CIMAP2: variants seen among roughly 807,000 people sequenced by gnomAD.
The protein encoded by CIMAP2 is ciliary microtubule associated protein 2.
chr1:54,815,017 G>A, the CIMAP2 span: 8,358 of 1,614,138 alleles, frequency 5.2e-3, 270 homozygotes, highest in East Asian at 0.097. Context: ...GCAAAGGCCT[G>A]CCAGATGATT....
chr1:54,837,668 G>T, the CIMAP2 span, among the ~76,000 whole-genome samples: 15,558 of 152,114 alleles, frequency 0.1, 1,219 homozygotes, highest in African/African-American at 0.21. Context: ...TCTTTGGGAC[G>T]ACCCCAAAAC....
the CIMAP2 span, chr1:54,807,667 A>G: frequency 6.2e-7 from 1 of 1,602,282 alleles, no homozygotes; most frequent in Non-Finnish European, 8.5e-7. Context: ...GTACCAGGCC[A>G]TCATGAAAGA....
the CIMAP2 span, among the ~76,000 whole-genome samples, chr1:54,826,266 G>A: frequency 1.3e-5 from 2 of 152,264 alleles, no homozygotes; most frequent in East Asian, 1.9e-4. Context: ...CTCAGGCTCT[G>A]GGGAGCACAA....
At chr1:54,828,263 AT>A in the CIMAP2 span, among the ~76,000 whole-genome samples, 2 of 152,164 alleles carry the variant, frequency 1.3e-5, no homozygotes, top group African/African-American at 2.4e-5. Context: ...ATAAATGAAT[AT>A]TTTCGTCTTA....
the CIMAP2 span, among the ~76,000 whole-genome samples, chr1:54,818,086 A>G: frequency 1 from 152,350 of 152,368 alleles, 76,166 homozygotes; most frequent in Non-Finnish European, 1. Flanking sequence ...GAAGTCTTAT[A>G]CCTTTCTGGT....
the CIMAP2 span, among the ~76,000 whole-genome samples, chr1:54,822,243 C>T: frequency 6.6e-6 from 1 of 152,298 alleles, no homozygotes; most frequent in East Asian, 1.9e-4. Flanking sequence ...ACTTCCAGTA[C>T]TGTGTTAAAT....
the CIMAP2 span, chr1:54,813,829 G>T: frequency 1.9e-6 from 3 of 1,606,206 alleles, no homozygotes; most frequent in African/African-American, 1.3e-5. Context: ...AAAGCCCAGG[G>T]AACTGATGAA....
the CIMAP2 span, chr1:54,811,767 C>CGGGGGGGGGCG: frequency 5.5e-6 from 6 of 1,088,164 alleles, no homozygotes; most frequent in Non-Finnish European, 8.1e-6. Flanking sequence ...TTCTGACAGC[C>CGGGGGGGGGCG]TCCATGCCCC....
the CIMAP2 span, chr1:54,807,135 C>A: frequency 1.3e-6 from 2 of 1,528,350 alleles, no homozygotes; most frequent in Non-Finnish European, 1.8e-6. Context: ...GCCACTGCCC[C>A]TTCGAGCTGC....
the CIMAP2 span, among the ~76,000 whole-genome samples, chr1:54,827,577 G>C: frequency 6.6e-6 from 1 of 152,122 alleles, no homozygotes; most frequent in Non-Finnish European, 1.5e-5. Flanking sequence ...ACTTAGCTGC[G>C]TGACCTGGGG....
At chr1:54,827,798 A>G in the CIMAP2 span, among the ~76,000 whole-genome samples, 1 of 152,190 alleles carries the variant, frequency 6.6e-6, no homozygotes, top group Non-Finnish European at 1.5e-5. Flanking sequence ...TTATTTATAT[A>G]AGGAAAAATT....
the CIMAP2 span, chr1:54,842,200 C>T: frequency 2.5e-6 from 1 of 402,040 alleles, no homozygotes; most frequent in Non-Finnish European, 4.5e-6. Flanking sequence ...GGGACCCTTT[C>T]TATTCTAAAG....
At chr1:54,807,066 C>G in the CIMAP2 span, 6 of 1,613,622 alleles carry the variant, frequency 3.7e-6, no homozygotes, top group Non-Finnish European at 4.2e-6. Flanking sequence ...ATACTCCACG[C>G]GTTATTCTAC....
At chr1:54,821,886 C>CTTTTTT in the CIMAP2 span, among the ~76,000 whole-genome samples, 95 of 66,588 alleles carry the variant, frequency 1.4e-3, 7 homozygotes, top group Middle Eastern at 0.013. Context: ...CCTCTTATTT[C>CTTTTTT]TTTTTTTTTT....
chr1:54,830,203 TTTTC>T, the CIMAP2 span, among the ~76,000 whole-genome samples: 53 of 152,266 alleles, frequency 3.5e-4, 1 homozygote, highest in Non-Finnish European at 3.4e-4. The surrounding 1 kb of genome is among the most constrained non-coding windows in gnomAD (Gnocchi z 4.1). Context: ...TAATTCCCTC[TTTTC>T]TTTCTTTCTA....
the CIMAP2 span, among the ~76,000 whole-genome samples, chr1:54,822,145 G>A: frequency 2.0e-5 from 2 of 99,306 alleles, no homozygotes; most frequent in Non-Finnish European, 4.6e-5. Context: ...TGATCCGCCC[G>A]CCTCGGCCTC....
chr1:54,806,166 G>A, the CIMAP2 span: 6 of 1,552,356 alleles, frequency 3.9e-6, no homozygotes, highest in Non-Finnish European at 5.2e-6. Context: ...AACCGCGTCG[G>A]CTCCACGGCC....
At chr1:54,811,765 G>GCCGGGGGGGGGGGGGGGGCGCCCCCC in the CIMAP2 span, 1 of 1,301,332 alleles carries the variant, frequency 7.7e-7, no homozygotes, top group Non-Finnish European at 1.1e-6. Flanking sequence ...GGTTCTGACA[G>GCCGGGGGGGGGGGGGGGGCGCCCCCC]CCTCCATGCC....
chr1:54,810,694 C>T, the CIMAP2 span, among the ~76,000 whole-genome samples: 2 of 152,194 alleles, frequency 1.3e-5, no homozygotes, highest in African/African-American at 2.4e-5. Context: ...AACGTCCTGC[C>T]AGGTCTCTAC....
Sources: gnomAD v4.1 joint callset for allele counts (sites outside exome capture counted in the v4.1 genomes callset) on GRCh38, gnomAD v4.1.1 for gene constraint, Gnocchi (gnomAD v3.1) non-coding constraint, MANE v1.5 for transcripts, NCBI Gene and HGNC (gene_info 2026-07-23, HGNC 2026-07-21) for gene names.